Variants in CSMD1 observed in about 807,000 individuals in gnomAD.
CSMD1 encodes CUB and Sushi multiple domains 1.
Under a neutral mutation model 417.5 loss-of-function variants are expected in CSMD1, and 213 were observed. That is an observed-to-expected ratio of 0.51 (90% CI 0.46 to 0.57). The LOEUF is 0.57. CSMD1 is among the 20% of genes least tolerant of loss of function. CSMD1 has a pLI of 0.00. For synonymous variants in CSMD1, 2,862 were observed against 1,736.8 expected, an observed-to-expected ratio of 1.65 and a Z score of -16.11; for missense variants, 6,923 against 4,529.7, an observed-to-expected ratio of 1.53 and a Z score of -15.17.
At chr8:3,120,798 G>C (rs1817161047) in intron 41 of CSMD1, among the ~76,000 whole-genome samples, 2 of 152,038 alleles carry the variant, frequency 1.3e-5, no homozygotes, top group African/African-American at 4.8e-5. Context: ...AGTGAGCCGA[G>C]ATCACGCCAC....
At chr8:4,607,996 G>A (rs933832778) in intron 2 of CSMD1, among the ~76,000 whole-genome samples, 8 of 152,130 alleles carry the variant, frequency 5.3e-5, no homozygotes, top group African/African-American at 1.9e-4. Context: ...ACAGTGGTCA[G>A]AGAAGGCATC....
intron 2 of CSMD1, among the ~76,000 whole-genome samples, chr8:4,627,256 G>T (rs192219267): frequency 6.6e-6 from 1 of 152,040 alleles, no homozygotes; most frequent in East Asian, 1.9e-4. Context: ...GGCAGGATGG[G>T]GGAAAGAAGA....
chr8:3,846,975 C>G (rs550509499), intron 5 of CSMD1, among the ~76,000 whole-genome samples: 2 of 152,198 alleles, frequency 1.3e-5, no homozygotes, highest in African/African-American at 4.8e-5. Flanking sequence ...GCGCCTGGCC[C>G]CAGGATTTAC....
chr8:3,214,598 TG>T lies in CSMD1; in HGVS notation c.4765del (p.Gln1589SerfsTer17). ...AAGAATCTTATAGCCAGAGTCACAC[TG>T]GTAGGTGATGGTGGAGCCAAGCTTG... The part of the protein sequence containing the change: ...DFKLGSTITY[Q>X]CDSGYKILDP... On this transcript the variant is annotated frameshift_variant, in exon 30 of 70. Transcript: ENST00000635120. LOFTEE classifies it high-confidence loss of function. 6.4e-7 allele frequency: 1 copy of T among 1,566,694 alleles called. No homozygotes were observed. The highest frequency in any genetic ancestry group is 8.7e-7 in the Non-Finnish European group (1 of 1,154,914).
intron 5 of CSMD1, among the ~76,000 whole-genome samples, chr8:3,885,280 G>C (rs1342247192): frequency 2.6e-5 from 4 of 152,102 alleles, no homozygotes; most frequent in Non-Finnish European, 4.4e-5. Context: ...ACAGGTGTGA[G>C]TTATAGAATC....
intron 1 of CSMD1, among the ~76,000 whole-genome samples, chr8:4,882,906 T>G (rs1803502639): frequency 6.6e-6 from 1 of 152,002 alleles, no homozygotes; most frequent in African/African-American, 2.4e-5. Flanking sequence ...CTAGATTTCT[T>G]CACTAGATTA....
At chr8:4,190,006 C>T (rs1183655444) in intron 3 of CSMD1, among the ~76,000 whole-genome samples, 3 of 151,556 alleles carry the variant, frequency 2.0e-5, no homozygotes, top group Non-Finnish European at 4.4e-5. Flanking sequence ...CGCCTGAAAT[C>T]CCAGCACTTT....
intron 2 of CSMD1, among the ~76,000 whole-genome samples, chr8:4,425,839 T>G (rs1373783614): frequency 1.3e-5 from 2 of 152,150 alleles, no homozygotes; most frequent in Non-Finnish European, 2.9e-5. Flanking sequence ...GGGAATATTT[T>G]AGTATATGCA....
intron 1 of CSMD1, among the ~76,000 whole-genome samples, chr8:4,779,161 GT>G: frequency 6.6e-6 from 1 of 152,254 alleles, no homozygotes; most frequent in South Asian, 2.1e-4. Flanking sequence ...GAAGTCTTCG[GT>G]TTAAAATATT....
rs1303462616 is a variant in CSMD1 at position 4,667,975 on chromosome 8, T to C, written c.86-30417A>G. Among the ~76,000 whole-genome samples, 4 of 152,242 alleles carry C rather than the reference T, an allele frequency of 2.6e-5. No individual in the cohort carries two copies. In the East Asian group the frequency reaches 7.7e-4, roughly 29 times the overall value. ...TTCTTTTACCTGCCATTGCATTTGT[T>C]AAAAATCTACAATATTTTCGACTCC... On this transcript the variant is annotated intron_variant, in intron 1 of 69. Transcript: ENST00000635120.
intron 3 of CSMD1, among the ~76,000 whole-genome samples, chr8:4,195,074 C>G (rs182493771): frequency 1.3e-5 from 2 of 152,268 alleles, no homozygotes; most frequent in East Asian, 1.9e-4. Context: ...GCTGTTACGC[C>G]TAGAATTCTG....
In CSMD1 at chr8:2,936,191, G is replaced by A. The variant is rs1226823198; in HGVS notation, c.*2394C>T. ...AGGACAGTTTGACTTTGCACACAAA[G>A]GAAAATCATATCTAATTTGATATGT... On this transcript the variant is annotated 3_prime_UTR_variant, in exon 70 of 70. Coordinates refer to ENST00000635120, the MANE Select transcript of CSMD1 (RefSeq NM_033225.6). The A allele has an allele frequency of 2.6e-5, 4 of 151,610 alleles. No homozygotes were observed. The highest frequency in any genetic ancestry group is 4.4e-5 in the Non-Finnish European group (3 of 67,958). 9.4% of individuals were successfully genotyped at this position (151,610 alleles called of 1,614,324 possible).
chr8:4,006,349 G>A (rs1389345135), intron 4 of CSMD1, among the ~76,000 whole-genome samples: 3 of 152,164 alleles, frequency 2.0e-5, no homozygotes, highest in African/African-American at 4.8e-5. Context: ...TTTGAGGCCA[G>A]CCTGGCCAAC....
chr8:3,012,610 A>G (rs554604748), intron 52 of CSMD1, among the ~76,000 whole-genome samples: 1 of 152,296 alleles, frequency 6.6e-6, no homozygotes, highest in South Asian at 2.1e-4. Context: ...ACCAGGATGG[A>G]AAACATATTG....
intron 23 of CSMD1, among the ~76,000 whole-genome samples, chr8:3,339,546 T>A (rs6988988): frequency 2.0e-5 from 3 of 152,176 alleles, no homozygotes; most frequent in African/African-American, 7.2e-5. Flanking sequence ...GCCAGTTCCG[T>A]AATTTGAAAT....
At chr8:4,061,056 G>T (rs1006492207) in intron 3 of CSMD1, among the ~76,000 whole-genome samples, 1 of 55,424 alleles carries the variant, frequency 1.8e-5, no homozygotes, top group Non-Finnish European at 4.8e-5. Context: ...TGTACAAAAT[G>T]CCATCTACAT....
At chr8:3,263,651 A>T (rs1306119087) in intron 26 of CSMD1, among the ~76,000 whole-genome samples, 2 of 152,224 alleles carry the variant, frequency 1.3e-5, no homozygotes, top group Non-Finnish European at 2.9e-5. Context: ...TAGTTACCCA[A>T]ATTAGAAAAT....
chr8:4,188,617 G>T (rs895573763), intron 3 of CSMD1, among the ~76,000 whole-genome samples: 16 of 152,114 alleles, frequency 1.1e-4, no homozygotes, highest in South Asian at 8.3e-4. Flanking sequence ...GATTCTGTGA[G>T]TAAGATTCCC....
At chr8:4,938,545 A>G (rs1216189602) in intron 1 of CSMD1, among the ~76,000 whole-genome samples, 1 of 152,252 alleles carries the variant, frequency 6.6e-6, no homozygotes, top group African/African-American at 2.4e-5. Flanking sequence ...TGAGTATGAC[A>G]GGGATATTCC....
Sources: gnomAD v4.1 joint callset for allele counts (sites outside exome capture counted in the v4.1 genomes callset) on GRCh38, gnomAD v4.1.1 for gene constraint, MANE v1.5 for transcripts, NCBI Gene and HGNC (gene_info 2026-07-23, HGNC 2026-07-21) for gene names.